ENPP3: variants seen among roughly 807,000 people sequenced by gnomAD.
ENPP3 encodes ectonucleotide pyrophosphatase/phosphodiesterase 3, also known as ectonucleotide pyrophosphatase/phosphodiesterase family member 3.
Under a neutral mutation model 117.8 loss-of-function variants are expected in ENPP3, and 104 were observed. The ratio of observed to expected loss-of-function variants is 0.88; its 90% CI spans 0.75 to 1.04. The LOEUF (loss-of-function observed/expected upper bound fraction) is 1.04. ENPP3 is among the 50% of genes least tolerant of loss of function. The pLI, the probability that ENPP3 is intolerant of heterozygous loss-of-function variation, is 0.00. For synonymous variants in ENPP3, 380 were observed against 349.9 expected, an observed-to-expected ratio of 1.09 and a Z score of -0.96; for missense variants, 1,026 against 1,051.9, an observed-to-expected ratio of 0.98 and a Z score of 0.34.
intron 14 of ENPP3, among the ~76,000 whole-genome samples, chr6:131,689,061 A>G (rs990210915): frequency 4.6e-5 from 7 of 152,194 alleles, no homozygotes; most frequent in African/African-American, 1.7e-4. Flanking sequence ...GTGAGACTCT[A>G]TTTAAAAGAG....
At chr6:131,680,695 T>G (rs1355371578) in intron 11 of ENPP3, among the ~76,000 whole-genome samples, 1 of 152,212 alleles carries the variant, frequency 6.6e-6, no homozygotes, top group East Asian at 1.9e-4. Context: ...AAATTGACAG[T>G]AAAAAGGCGA....
At chr6:131,674,452 A>C in intron 8 of ENPP3, 171 bp downstream of exon 8, 1 of 664,226 alleles carries the variant, frequency 1.5e-6, no homozygotes, top group Non-Finnish European at 2.7e-6. Context: ...TAAAACATTT[A>C]TGGTTGTTAA....
At chr6:131,678,981 C>G (rs1211140014) in intron 11 of ENPP3, among the ~76,000 whole-genome samples, 3 of 110,448 alleles carry the variant, frequency 2.7e-5, no homozygotes, top group African/African-American at 1.0e-4. Flanking sequence ...TTCCTTCCTT[C>G]CTTCCTTCCT....
intron 19 of ENPP3, 135 bp downstream of exon 19, chr6:131,724,226 T>TAGAAAAAAAAAAAAAA (rs1780099280): frequency 2.9e-6 from 1 of 343,582 alleles, no homozygotes; most frequent in African/African-American, 3.6e-5. Context: ...ATACAAAAGG[T>TAGAAAAAAAAAAAAAA]AAAAAAAAAA....
rs1451433891 is a variant in ENPP3, at chr6:131,658,222, A to G, written c.465-101A>G. On this transcript the variant is annotated intron_variant, in intron 5 of 24. Coordinates refer to ENST00000357639, the MANE Select transcript of ENPP3 (RefSeq NM_005021.5). ...TCTGGCTATGGCCCAAAAGTTACCC[A>G]ATTATTTTACCTTAAACACAGGTCT... 4 of 682,416 alleles carry G rather than the reference A, an allele frequency of 5.9e-6. No homozygotes were observed. In the African/African-American group the frequency reaches 7.3e-5, roughly 12 times the overall value. The allele number at this position is 682,416 out of a possible 1,614,324, so 42.3% of individuals were successfully genotyped here. A position where few individuals can be genotyped will look rare whatever the true frequency, so the allele number is the denominator to read the frequency against.
chr6:131,637,976 T>A (rs1777962246), intron 1 of ENPP3, among the ~76,000 whole-genome samples: 1 of 152,028 alleles, frequency 6.6e-6, no homozygotes. Context: ...TTTCTTTTTT[T>A]TAATTTTAAA....
chr6:131,703,037 C>T (rs1195239941), intron 15 of ENPP3, among the ~76,000 whole-genome samples: 2 of 151,104 alleles, frequency 1.3e-5, no homozygotes, highest in Non-Finnish European at 2.9e-5. Flanking sequence ...TAAGATTGTG[C>T]GTAATAAGTA....
At chr6:131,731,431 G>A (rs1780277559) in intron 20 of ENPP3, among the ~76,000 whole-genome samples, 1 of 152,154 alleles carries the variant, frequency 6.6e-6, no homozygotes, top group Non-Finnish European at 1.5e-5. Flanking sequence ...ATCTGACTCA[G>A]CATATACAAT....
intron 5 of ENPP3, among the ~76,000 whole-genome samples, chr6:131,655,012 T>C (rs1328603132): frequency 6.6e-6 from 1 of 152,222 alleles, no homozygotes; most frequent in Non-Finnish European, 1.5e-5. Context: ...CATGTGAGAA[T>C]TAAATGACCT....
At chr6:131,642,435 A>G (rs892005987) in intron 2 of ENPP3, among the ~76,000 whole-genome samples, 3 of 152,198 alleles carry the variant, frequency 2.0e-5, no homozygotes, top group African/African-American at 7.2e-5. Flanking sequence ...GCTATATTTC[A>G]TTATTATGGA....
At chr6:131,693,132 CA>C in intron 14 of ENPP3, among the ~76,000 whole-genome samples, 1 of 146,860 alleles carries the variant, frequency 6.8e-6, no homozygotes, top group African/African-American at 2.5e-5. Context: ...CACACACACA[CA>C]CACCCCCAGG....
At chr6:131,743,720 G>C (rs936249265) in intron 24 of ENPP3, among the ~76,000 whole-genome samples, 14 of 152,002 alleles carry the variant, frequency 9.2e-5, no homozygotes, top group African/African-American at 3.4e-4. Context: ...AGCTACTCAG[G>C]AGGCTGAGGC....
chr6:131,642,750 G>A (rs1163989544), intron 2 of ENPP3: 1 of 152,028 alleles, frequency 6.6e-6, no homozygotes, highest in Non-Finnish European at 1.5e-5. Flanking sequence ...TTTTAATTTT[G>A]TGTAGACATG....
At chr6:131,732,710 CATTATTATTATTATTATTATT>C (rs71030755) in intron 20 of ENPP3, among the ~76,000 whole-genome samples, 3 of 131,750 alleles carry the variant, frequency 2.3e-5, no homozygotes, top group Non-Finnish European at 3.2e-5. Flanking sequence ...TGGCCTAAGA[CATTATTATTATTATTATTATT>C]ATTATTATTA....
intron 2 of ENPP3, 152 bp downstream of exon 2, chr6:131,641,682 G>A (rs1778044172): frequency 1.9e-6 from 1 of 533,080 alleles, no homozygotes; most frequent in Non-Finnish European, 3.4e-6. Flanking sequence ...CTACTTATCG[G>A]GAGTCCACAT....
At position 131,678,969 on chromosome 6, in the gene ENPP3, C is replaced by CTTCCTTG. The variant is rs1562446655; in HGVS notation, c.1011+1029_1011+1030insTTCCTTG. ...TCTTTCTTTCTTTCTTTCCTTCCTT[C>CTTCCTTG]CTTCCTTCCTTCCTTCCTTCCTTCC... On this transcript the variant is annotated intron_variant, in intron 11 of 24. Transcript: ENST00000357639. Among the ~76,000 whole-genome samples the CTTCCTTG allele has an allele frequency of 2.8e-4, 29 of 102,146 alleles. 1 individual carries two copies. Among genetic ancestry groups the CTTCCTTG allele is most frequent in the African/African-American group, 1.6e-3 (25 of 15,680 alleles). The allele number at this position is 102,146 out of a possible 152,430, so 67.0% of individuals were successfully genotyped here. A position where few individuals can be genotyped will look rare whatever the true frequency, so the allele number is the denominator to read the frequency against.
At chr6:131,653,395 G>A (rs543158060) in intron 5 of ENPP3, among the ~76,000 whole-genome samples, 3 of 146,196 alleles carry the variant, frequency 2.1e-5, no homozygotes, top group East Asian at 2.0e-4. Flanking sequence ...TTATCTACTC[G>A]CCTTGGCCTC....
chr6:131,656,928 A>T (rs1006399565), intron 5 of ENPP3, among the ~76,000 whole-genome samples: 1 of 152,168 alleles, frequency 6.6e-6, no homozygotes, highest in Non-Finnish European at 1.5e-5. Flanking sequence ...GCCATTAAAA[A>T]AGGGGTGCAT....
intron 20 of ENPP3, among the ~76,000 whole-genome samples, chr6:131,728,294 T>C (rs1303911242): frequency 6.6e-6 from 1 of 152,202 alleles, no homozygotes; most frequent in Non-Finnish European, 1.5e-5. Flanking sequence ...TTGTGTGGCA[T>C]TAAAGGGAAT....
Sources: allele counts gnomAD v4.1 joint callset (sites outside exome capture counted in the v4.1 genomes callset), GRCh38; gene constraint gnomAD v4.1.1; transcripts MANE v1.5; gene names NCBI Gene and HGNC (gene_info 2026-07-23, HGNC 2026-07-21).